Variants in TMEM38B observed in about 807,000 individuals in gnomAD.
The protein encoded by TMEM38B is trimeric intracellular cation channel type B.
TMEM38B carries 24 observed loss-of-function variants against 28.7 expected under a neutral mutation model. The observed-to-expected ratio is 0.84, with a 90% CI of 0.61 to 1.18. The LOEUF is 1.18. Ranked by LOEUF, TMEM38B falls within the 50% of genes most tolerant of loss-of-function variation. TMEM38B has a pLI of 0.00. For synonymous variants in TMEM38B, 131 were observed against 127.7 expected (o/e 1.03, Z -0.17); for missense variants, 380 against 350.9 (o/e 1.08, Z -0.66).
chr9:105,753,927 C>T (rs1837743990), intron 5 of TMEM38B, among the ~76,000 whole-genome samples: 1 of 152,118 alleles, frequency 6.6e-6, no homozygotes, highest in Admixed American at 6.6e-5. Context: ...ACCCATATTC[C>T]ATGCAAAGAC....
chr9:105,755,202 C>T (rs1226466146), intron 5 of TMEM38B, among the ~76,000 whole-genome samples: 1 of 152,124 alleles, frequency 6.6e-6, no homozygotes, highest in Non-Finnish European at 1.5e-5. Context: ...CTGAATTATA[C>T]CAGAGGTACA....
intron 1 of TMEM38B, among the ~76,000 whole-genome samples, chr9:105,696,786 AT>A (rs1328376872): frequency 6.6e-6 from 1 of 152,212 alleles, no homozygotes; most frequent in African/African-American, 2.4e-5. Flanking sequence ...AGCAGGATTT[AT>A]GGTAAGTGAA....
At chr9:105,771,920 G>C (rs1001943908) in intron 5 of TMEM38B, among the ~76,000 whole-genome samples, 3 of 152,162 alleles carry the variant, frequency 2.0e-5, no homozygotes, top group African/African-American at 7.2e-5. Flanking sequence ...TGGCTAGTCT[G>C]TAAGCTCCTT....
At chr9:105,754,278 A>C (rs1222704832) in intron 5 of TMEM38B, among the ~76,000 whole-genome samples, 2 of 152,202 alleles carry the variant, frequency 1.3e-5, no homozygotes, top group Non-Finnish European at 2.9e-5. Flanking sequence ...GCTCTGGATC[A>C]AGCAGAGCTG....
intron 5 of TMEM38B, among the ~76,000 whole-genome samples, chr9:105,751,968 G>A (rs1837670461): frequency 6.6e-6 from 1 of 151,940 alleles, no homozygotes; most frequent in African/African-American, 2.4e-5. Context: ...CCATTTTTGT[G>A]GTTTGGTAGA....
At chr9:105,731,041 G>A (rs2133591121) in intron 4 of TMEM38B, among the ~76,000 whole-genome samples, 1 of 152,016 alleles carries the variant, frequency 6.6e-6, no homozygotes, top group Middle Eastern at 3.4e-3. Flanking sequence ...ATTTTTTGAA[G>A]GGTTTTTTGT....
chr9:105,749,143 A>G (rs1262301164), intron 5 of TMEM38B: 3 of 1,294,810 alleles, frequency 2.3e-6, no homozygotes, highest in African/African-American at 1.5e-5. Flanking sequence ...ATCTCTTCAC[A>G]TGTAGTCTCT....
intron 2 of TMEM38B, among the ~76,000 whole-genome samples, chr9:105,706,430 G>T (rs1296205900): frequency 6.6e-6 from 1 of 152,178 alleles, no homozygotes; most frequent in Non-Finnish European, 1.5e-5. Context: ...TTATTGTGAG[G>T]TACACACCGG....
intron 5 of TMEM38B, among the ~76,000 whole-genome samples, chr9:105,752,819 A>G (rs1285957584): frequency 1.3e-5 from 2 of 152,220 alleles, no homozygotes; most frequent in African/African-American, 4.8e-5. Context: ...TGAGGCTGAG[A>G]TGCCTGACTT....
At chr9:105,745,838 A>T (rs988739598) in intron 4 of TMEM38B, among the ~76,000 whole-genome samples, 43 of 152,152 alleles carry the variant, frequency 2.8e-4, no homozygotes, top group African/African-American at 9.9e-4. Flanking sequence ...TAGGTAGGGA[A>T]TCCTTTCCCC....
chr9:105,763,623 C>G lies in TMEM38B; in HGVS notation c.661-10242C>G, dbSNP rs545021560. Among the ~76,000 whole-genome samples the G allele has an allele frequency of 1.4e-4, 22 of 152,306 alleles. No individual in the cohort carries two copies. The East Asian group carries it at 4.2e-3, about 29-fold the overall frequency. ...CAACCAAAAAGAGTCCAGGACCAGA[C>G]AGATTCACAGCCGAATTCTACCAGA... On this transcript the variant is annotated intron_variant, in intron 5 of 5. Coordinates refer to ENST00000374692, the MANE Select transcript of TMEM38B (RefSeq NM_018112.3).
intron 4 of TMEM38B, 94 bp from the exon 5 acceptor site, chr9:105,747,979 C>A: frequency 1.3e-6 from 1 of 788,070 alleles, no homozygotes. Flanking sequence ...CTATTAATAA[C>A]CCATTAAGTT....
chr9:105,725,603 C>A (rs746390528), intron 4 of TMEM38B, among the ~76,000 whole-genome samples: 1 of 151,914 alleles, frequency 6.6e-6, no homozygotes, highest in Non-Finnish European at 1.5e-5. Flanking sequence ...ATGGTATAGC[C>A]CATTTCTGTT....
At chr9:105,736,704 A>G (rs1836995299) in intron 4 of TMEM38B, among the ~76,000 whole-genome samples, 1 of 152,132 alleles carries the variant, frequency 6.6e-6, no homozygotes, top group Non-Finnish European at 1.5e-5. Context: ...CAGCATTTAT[A>G]TCTGTACATC....
At chr9:105,706,317 T>A (rs756684187) in intron 2 of TMEM38B, among the ~76,000 whole-genome samples, 9 of 152,242 alleles carry the variant, frequency 5.9e-5, no homozygotes, top group Admixed American at 2.0e-4. Flanking sequence ...TGTTGAGACA[T>A]AGTCTTGCTA....
intron 4 of TMEM38B, among the ~76,000 whole-genome samples, chr9:105,745,081 A>T (rs1187775819): frequency 2.0e-5 from 3 of 152,240 alleles, no homozygotes; most frequent in Admixed American, 2.0e-4. Context: ...AGCATGATTT[A>T]TAATCCTTTG....
At position 105,773,858 on chromosome 9, in the gene TMEM38B, C is replaced by T; in HGVS notation, c.661-7C>T. ...TTTAAATTCAAAATTAAACTTTTTT[C>T]CCCCAGATAACCATGATGACTACAC... is the stretch of plus-strand genomic sequence containing the variant. On this transcript the variant is annotated splice_polypyrimidine_tract_variant and splice_region_variant and intron_variant, in intron 5 of 5. Transcript: ENST00000374692. The T allele has an allele frequency of 6.3e-7, 1 of 1,589,064 alleles. No individual in the cohort carries two copies. The highest frequency in any genetic ancestry group is 1.7e-4 in the Middle Eastern group (1 of 5,962).
intron 4 of TMEM38B, among the ~76,000 whole-genome samples, chr9:105,729,774 T>G (rs889986342): frequency 3.3e-5 from 5 of 152,162 alleles, no homozygotes; most frequent in Non-Finnish European, 7.3e-5. Context: ...TGGTTTGTAG[T>G]TCTCCTTGAA....
chr9:105,755,437 AC>A (rs1427546886), intron 5 of TMEM38B, among the ~76,000 whole-genome samples: 1 of 152,136 alleles, frequency 6.6e-6, no homozygotes, highest in Admixed American at 6.5e-5. Flanking sequence ...CTGTACATGT[AC>A]CCCGATGTTA....
Sources: allele counts gnomAD v4.1 joint callset (sites outside exome capture counted in the v4.1 genomes callset), GRCh38; gene constraint gnomAD v4.1.1; transcripts MANE v1.5; gene names NCBI Gene and HGNC (gene_info 2026-07-23, HGNC 2026-07-21).